The following FAM107B variants were observed in gnomAD, a reference collection of about 807,000 sequenced individuals.
FAM107B encodes protein FAM107B.
FAM107B carries 21 observed loss-of-function variants against 31.5 expected under a neutral mutation model. The ratio of observed to expected loss-of-function variants is 0.67; its 90% CI spans 0.47 to 0.96. The LOEUF (loss-of-function observed/expected upper bound fraction) is 0.96. Ranked by LOEUF, FAM107B falls within the 40% of genes least tolerant of loss-of-function variation. The pLI is 0.00. For missense variants in FAM107B, 452 were observed against 377.1 expected (o/e 1.20, Z -1.64); for synonymous variants, 157 against 141.5 (o/e 1.11, Z -0.78).
At chr10:14,553,994 G>C in intron 2 of FAM107B, 1 of 540,876 alleles carries the variant, frequency 1.8e-6, no homozygotes, top group Non-Finnish European at 2.4e-6. Context: ...GTTTTTCCTT[G>C]TCTTCACCTC....
intron 2 of FAM107B, among the ~76,000 whole-genome samples, chr10:14,594,511 A>AC (rs1852120509): frequency 7.4e-6 from 1 of 134,996 alleles, no homozygotes. Context: ...CAAAAAAAAA[A>AC]AAAAAACAAA....
At chr10:14,653,248 C>A (rs1437473405) in intron 2 of FAM107B, among the ~76,000 whole-genome samples, 2 of 152,196 alleles carry the variant, frequency 1.3e-5, no homozygotes, top group African/African-American at 2.4e-5. Context: ...GTTTCCATGG[C>A]TCAGAAAAAG....
chr10:14,543,256 G>A (rs142143707), intron 2 of FAM107B, among the ~76,000 whole-genome samples: 59 of 152,086 alleles, frequency 3.9e-4, no homozygotes, highest in Middle Eastern at 6.8e-3. Flanking sequence ...GAAATAACCC[G>A]TCATACGTGT....
intron 1 of FAM107B, among the ~76,000 whole-genome samples, chr10:14,755,089 T>C (rs1832901586): frequency 6.6e-6 from 1 of 152,156 alleles, no homozygotes; most frequent in Non-Finnish European, 1.5e-5. Flanking sequence ...ATATTTTAGA[T>C]GAATAGAAAC....
At chr10:14,531,065 C>A (rs184923340) in intron 2 of FAM107B, among the ~76,000 whole-genome samples, 5 of 152,206 alleles carry the variant, frequency 3.3e-5, no homozygotes, top group Admixed American at 2.6e-4. Context: ...TCACCCTCCA[C>A]CAGACTCTAA....
At chr10:14,591,799 G>A (rs188914659) in intron 2 of FAM107B, among the ~76,000 whole-genome samples, 2 of 152,268 alleles carry the variant, frequency 1.3e-5, no homozygotes, top group South Asian at 2.1e-4. Flanking sequence ...ACATGAATCT[G>A]ATCAAGCTTT....
intron 1 of FAM107B, among the ~76,000 whole-genome samples, chr10:14,669,824 A>G (rs954623727): frequency 2.6e-5 from 4 of 152,244 alleles, no homozygotes; most frequent in Non-Finnish European, 5.9e-5. Context: ...GGTTACAAAC[A>G]TACAGCTAGA....
intron 1 of FAM107B, among the ~76,000 whole-genome samples, chr10:14,706,865 G>A (rs181080730): frequency 1.1e-4 from 17 of 152,258 alleles, no homozygotes; most frequent in Middle Eastern, 3.4e-3. Context: ...CGTGTCTCAC[G>A]CCTGGAATCC....
At chr10:14,738,199 T>A (rs1856354182) in intron 1 of FAM107B, among the ~76,000 whole-genome samples, 1 of 152,190 alleles carries the variant, frequency 6.6e-6, no homozygotes, top group Non-Finnish European at 1.5e-5. Context: ...AATGACTGGA[T>A]TGGAATCCAA....
intron 2 of FAM107B, among the ~76,000 whole-genome samples, chr10:14,593,693 CAA>C (rs77680906): frequency 1.7e-4 from 17 of 100,638 alleles, no homozygotes; most frequent in Non-Finnish European, 1.9e-4. Flanking sequence ...GAATCTGTCT[CAA>C]AAAAAAAAAA....
At chr10:14,570,801 C>CAAA (rs34358962) in intron 2 of FAM107B, among the ~76,000 whole-genome samples, 4 of 145,434 alleles carry the variant, frequency 2.8e-5, no homozygotes, top group Admixed American at 6.8e-5. Flanking sequence ...GACTCCATCT[C>CAAA]AAAAAAAAAA....
chr10:14,544,682 C>A (rs75238438), intron 2 of FAM107B, among the ~76,000 whole-genome samples: 2,920 of 152,238 alleles, frequency 0.019, 93 homozygotes, highest in African/African-American at 0.066. Flanking sequence ...AAGACATCAA[C>A]AGAGATGTAG....
chr10:14,609,890 A>C (rs918930861), intron 2 of FAM107B, among the ~76,000 whole-genome samples: 5 of 152,236 alleles, frequency 3.3e-5, no homozygotes, highest in Non-Finnish European at 7.3e-5. Flanking sequence ...GAGGTATCAC[A>C]TGCAGAGCTC....
chr10:14,664,452 A>G (rs1179890453), intron 2 of FAM107B, among the ~76,000 whole-genome samples: 1 of 152,202 alleles, frequency 6.6e-6, no homozygotes, highest in Non-Finnish European at 1.5e-5. Flanking sequence ...TGGACCCATA[A>G]GAGTATACTA....
intron 2 of FAM107B, among the ~76,000 whole-genome samples, chr10:14,621,864 G>GT (rs1389486585): frequency 6.6e-6 from 1 of 152,098 alleles, no homozygotes; most frequent in African/African-American, 2.4e-5. Context: ...ATTCTTCAGA[G>GT]TAAAAAAAAA....
intron 2 of FAM107B, among the ~76,000 whole-genome samples, chr10:14,548,172 C>CG (rs886721560): frequency 6.6e-6 from 1 of 152,156 alleles, no homozygotes; most frequent in African/African-American, 2.4e-5. Flanking sequence ...ATGTCTCCTA[C>CG]GGGGGAGCAC....
chr10:14,701,957 A>C (rs534750415), intron 1 of FAM107B, among the ~76,000 whole-genome samples: 14 of 152,394 alleles, frequency 9.2e-5, no homozygotes, highest in Admixed American at 2.0e-4. Flanking sequence ...CAGTCTTCGA[A>C]AACAAACTTT....
intron 2 of FAM107B, among the ~76,000 whole-genome samples, chr10:14,596,953 A>T (rs1382775893): frequency 6.6e-6 from 1 of 151,940 alleles, no homozygotes; most frequent in African/African-American, 2.4e-5. Context: ...TGGGAAACAG[A>T]AATAATGACA....
At chr10:14,604,112 G>GTACCCCCCCCCCCCCCC in intron 2 of FAM107B, 1 of 497,990 alleles carries the variant, frequency 2.0e-6, no homozygotes, top group Non-Finnish European at 2.6e-6. Flanking sequence ...CCGCGCACGG[G>GTACCCCCCCCCCCCCCC]GACCCCCCAC....
Sources: gnomAD v4.1 joint callset for allele counts (sites outside exome capture counted in the v4.1 genomes callset) on GRCh38, gnomAD v4.1.1 for gene constraint, MANE v1.5 for transcripts, NCBI Gene and HGNC (gene_info 2026-07-23, HGNC 2026-07-21) for gene names.